The following CSMD3 variants were observed in gnomAD, a reference collection of about 807,000 sequenced individuals.
CSMD3 encodes the protein CUB and sushi domain-containing protein 3.
Under a neutral mutation model 435.2 loss-of-function variants are expected in CSMD3, and 177 were observed. The observed-to-expected ratio is 0.41, with a 90% CI of 0.36 to 0.46. The LOEUF (loss-of-function observed/expected upper bound fraction) is 0.46. Ranked by LOEUF, CSMD3 falls within the 20% of genes least tolerant of loss-of-function variation. The pLI is 0.34. For synonymous variants in CSMD3, 1,656 were observed against 1,520.5 expected, an observed-to-expected ratio of 1.09 and a Z score of -2.07; for missense variants, 4,265 against 4,504.6, an observed-to-expected ratio of 0.95 and a Z score of 1.52.
intron 4 of CSMD3, among the ~76,000 whole-genome samples, chr8:113,105,255 A>T (rs1470087118): frequency 6.6e-6 from 1 of 152,116 alleles, no homozygotes; most frequent in Non-Finnish European, 1.5e-5. Context: ...GTGATCTAAG[A>T]GAGGAGAAAA....
Position 112,337,433 on chromosome 8 carries a change from A to G in CSMD3, c.6841+110T>C, listed in dbSNP as rs375892702. The stretch of plus-strand genomic sequence containing the variant: ...GGTTTAAAAAATATCTTCAGCTGAG[A>G]GACTATATATTTAGCATGCTATTGG... On this transcript the variant is annotated intron_variant, in intron 43 of 70. Transcript: ENST00000297405. 3.4e-5 allele frequency: 28 copies of G among 831,414 alleles called. No individual in the cohort carries two copies. The South Asian group carries it at 3.8e-4, about 11-fold the overall frequency. 51.5% of individuals were successfully genotyped at this position (831,414 alleles called of 1,614,324 possible).
intron 9 of CSMD3, among the ~76,000 whole-genome samples, chr8:112,937,326 C>T (rs2083310453): frequency 1.4e-5 from 2 of 145,168 alleles, no homozygotes; most frequent in East Asian, 2.0e-4. Context: ...TTTTATTACT[C>T]TTTGTTTTTG....
intron 1 of CSMD3, among the ~76,000 whole-genome samples, chr8:113,375,536 C>CACACACAA (rs372006142): frequency 2.0e-5 from 3 of 150,426 alleles, no homozygotes; most frequent in Non-Finnish European, 4.4e-5. Flanking sequence ...CACACACACA[C>CACACACAA]ACACACACAC....
intron 32 of CSMD3, among the ~76,000 whole-genome samples, chr8:112,446,767 T>C (rs978929185): frequency 2.0e-5 from 3 of 152,186 alleles, no homozygotes; most frequent in African/African-American, 7.2e-5. Flanking sequence ...ACTGGAGGCT[T>C]TTTGCTTTCG....
intron 19 of CSMD3, among the ~76,000 whole-genome samples, chr8:112,646,547 A>G (rs2074986340): frequency 6.6e-6 from 1 of 152,174 alleles, no homozygotes. Context: ...GTACCTATAT[A>G]CATATGTAGA....
intron 5 of CSMD3, among the ~76,000 whole-genome samples, chr8:113,076,160 A>C (rs1588022723): frequency 6.6e-6 from 1 of 151,544 alleles, no homozygotes; most frequent in East Asian, 1.9e-4. Flanking sequence ...CGGAATAAAA[A>C]CTGGTCCAAT....
chr8:113,384,269 G>A (rs1248075730), intron 1 of CSMD3, among the ~76,000 whole-genome samples: 1 of 152,142 alleles, frequency 6.6e-6, no homozygotes, highest in East Asian at 1.9e-4. Context: ...ACCTAACTCT[G>A]TGTCTGACAT....
intron 13 of CSMD3, among the ~76,000 whole-genome samples, chr8:112,705,488 T>C (rs959769205): frequency 6.6e-6 from 1 of 152,090 alleles, no homozygotes; most frequent in African/African-American, 2.4e-5. Context: ...GATCTTCATT[T>C]CTTGAGGACT....
At chr8:112,500,733 G>A (rs1821854523) in intron 30 of CSMD3, among the ~76,000 whole-genome samples, 2 of 152,166 alleles carry the variant, frequency 1.3e-5, no homozygotes, top group African/African-American at 2.4e-5. Flanking sequence ...ACATAGCCAA[G>A]CAAGCCAGAA....
intron 2 of CSMD3, chr8:113,313,601 T>C (rs2093887115): frequency 6.6e-6 from 1 of 152,168 alleles, no homozygotes; most frequent in Admixed American, 6.5e-5. Context: ...TGTAAAAAGT[T>C]AGCACTGATA....
intron 24 of CSMD3, among the ~76,000 whole-genome samples, chr8:112,559,027 T>A (rs1429517966): frequency 6.6e-6 from 1 of 151,806 alleles, no homozygotes; most frequent in Non-Finnish European, 1.5e-5. Context: ...GCTTCCCACG[T>A]GTTGTCATTC....
intron 42 of CSMD3, among the ~76,000 whole-genome samples, chr8:112,340,778 C>A (rs1825015748): frequency 6.6e-6 from 1 of 152,048 alleles, no homozygotes. Flanking sequence ...ATACACCTTA[C>A]ATACATTTTT....
chr8:112,451,222 A>G (rs942403692), intron 32 of CSMD3, among the ~76,000 whole-genome samples: 11 of 152,182 alleles, frequency 7.2e-5, no homozygotes, highest in African/African-American at 2.7e-4. Context: ...ACAAAGGTTA[A>G]CAGTAGTTAT....
At chr8:112,344,156 A>C (rs1425981194) in intron 41 of CSMD3, among the ~76,000 whole-genome samples, 2 of 152,196 alleles carry the variant, frequency 1.3e-5, no homozygotes, top group African/African-American at 2.4e-5. Flanking sequence ...TGCTGGGATT[A>C]CAGGTGTGAG....
chr8:112,395,218 G>T (rs889474056), intron 35 of CSMD3, among the ~76,000 whole-genome samples: 4 of 152,104 alleles, frequency 2.6e-5, no homozygotes, highest in African/African-American at 7.2e-5. Context: ...AAATCAAGCA[G>T]CCTAAGTTCA....
At chr8:112,447,660 T>G (rs538673007) in intron 32 of CSMD3, among the ~76,000 whole-genome samples, 1 of 152,180 alleles carries the variant, frequency 6.6e-6, no homozygotes, top group Non-Finnish European at 1.5e-5. Flanking sequence ...TCTTACAAAA[T>G]TCAGTCTTTG....
rs4029455 is a variant in CSMD3, at chr8:112,410,495, A to AATATATATAT, written c.5396-1473_5396-1464dup. ...CCCAAGCTACTTCCAAAATACTCCA[A>AATATATATAT]ATATATATATATATATATATATATG... On this transcript the variant is annotated intron_variant, in intron 32 of 70. Transcript: ENST00000297405. Among the ~76,000 whole-genome samples the AATATATATAT allele has an allele frequency of 7.9e-3, 963 of 122,672 alleles. 14 individuals carry two copies. The highest frequency in any genetic ancestry group is 0.017 in the East Asian group (70 of 4,114). The allele number at this position is 122,672 out of a possible 152,430, so 80.5% of individuals were successfully genotyped here. A position where few individuals can be genotyped will look rare whatever the true frequency, so the allele number is the denominator to read the frequency against.
chr8:113,384,517 T>A (rs185256000), intron 1 of CSMD3, among the ~76,000 whole-genome samples: 1 of 152,190 alleles, frequency 6.6e-6, no homozygotes, highest in East Asian at 1.9e-4. Flanking sequence ...GCAGCTTCCA[T>A]CTCTAGAGCT....
intron 32 of CSMD3, among the ~76,000 whole-genome samples, chr8:112,422,389 A>G (rs16883581): frequency 0.018 from 2,666 of 152,292 alleles, 80 homozygotes; most frequent in African/African-American, 0.061. Context: ...TATTCTGCAG[A>G]CTTTTAGTAC....
Sources: gnomAD v4.1 joint callset for allele counts (sites outside exome capture counted in the v4.1 genomes callset) on GRCh38, gnomAD v4.1.1 for gene constraint, MANE v1.5 for transcripts, NCBI Gene and HGNC (gene_info 2026-07-23, HGNC 2026-07-21) for gene names.